Variants in ELP1 observed in about 807,000 individuals in gnomAD.
ELP1 encodes elongator complex protein 1.
Under a neutral mutation model 183.2 loss-of-function variants are expected in ELP1, and 131 were observed. The observed-to-expected ratio is 0.72, with a 90% CI of 0.62 to 0.83. The LOEUF (loss-of-function observed/expected upper bound fraction) is 0.83, where lower values mean the gene tolerates loss of function less well. ELP1 is among the 40% of genes least tolerant of loss of function. The probability of loss-of-function intolerance (pLI) is 0.00; values close to 1 mark genes in which losing one functional copy is unlikely to be tolerated. For synonymous variants in ELP1, 555 were observed against 569.0 expected (o/e 0.98, Z 0.35); for missense variants, 1,550 against 1,594.9 (o/e 0.97, Z 0.48).
intron 10 of ELP1, 30 bp downstream of exon 10, chr9:108,916,174 C>T (rs756679260): frequency 1.3e-6 from 2 of 1,525,330 alleles, no homozygotes; most frequent in African/African-American, 2.7e-5. Context: ...TTTTATGGGG[C>T]AGAAGGCTGG....
Position 108,918,861 on chromosome 9 carries a change from C to G in ELP1, c.690G>C (p.Leu230Phe). ...CTGCCACAGGCTCACTGGTTGACTG[C>G]AAAGCAAACTCTCGGTTCCACACTC... ...KVRVWNREFALQSTSEPVAGL... is the reference protein window; with the variant it reads ...KVRVWNREFAFQSTSEPVAGL... Residue 230 changes from leucine (L) to phenylalanine (F), a missense_variant, in exon 8 of 37, where the codon TTG becomes TTC. Physicochemically the swap from Leu to Phe is conservative, Grantham distance 22. Transcript: ENST00000374647. 1 of 1,614,170 alleles carries G rather than the reference C, an allele frequency of 6.2e-7. No individual in the cohort carries two copies. Among genetic ancestry groups the G allele is most frequent in the Non-Finnish European group, 8.5e-7 (1 of 1,180,024 alleles).
Position 108,900,277 on chromosome 9 carries a change from T to C in ELP1, c.2113A>G (p.Thr705Ala), listed in dbSNP as rs1342728475. The change falls in exon 19 of 37, where the codon ACA (threonine) becomes GCA (alanine). Residue 705 changes from threonine to alanine, a missense_variant. Physicochemically the swap from Thr to Ala is moderately conservative, Grantham distance 58 (BLOSUM62 0). Transcript: ENST00000374647. Reference sequence around the variant, plus strand: ...CAGCTTACCTGTAATACAAGCTTTGTGTCCTGGGGCACAACAGTGACAATC... The same window carrying C: ...CAGCTTACCTGTAATACAAGCTTTGCGTCCTGGGGCACAACAGTGACAATC... ...SRIVTVVPQD[T>A]KLVLQMPRGN... 1.2e-6 allele frequency: 2 copies of C among 1,613,870 alleles called. No individual in the cohort carries two copies. The highest frequency in any genetic ancestry group is 2.2e-5 in the East Asian group (1 of 44,894).
At chr9:108,899,450 T>G (rs1169501978) in intron 20 of ELP1, among the ~76,000 whole-genome samples, 1 of 152,204 alleles carries the variant, frequency 6.6e-6, no homozygotes. Flanking sequence ...TTCTGGGTCA[T>G]AGGCCCCGCT....
chr9:108,902,648 TAGAC>T (rs1224530964), intron 16 of ELP1, among the ~76,000 whole-genome samples, 187 bp downstream of exon 16: 3 of 152,242 alleles, frequency 2.0e-5, no homozygotes, highest in African/African-American at 7.2e-5. Context: ...TGAACCCTGA[TAGAC>T]AGATACTGAT....
chr9:108,922,330 C>T (rs1021921271), intron 6 of ELP1, among the ~76,000 whole-genome samples: 19 of 152,174 alleles, frequency 1.2e-4, no homozygotes, highest in African/African-American at 4.1e-4. Flanking sequence ...GGGGCCGCCC[C>T]GCCTACATTA....
intron 13 of ELP1, 114 bp from the exon 14 acceptor site, chr9:108,906,599 T>A: frequency 1.2e-6 from 1 of 818,164 alleles, no homozygotes; most frequent in Non-Finnish European, 2.1e-6. Context: ...CCTAATTATT[T>A]GGAGGGACAA....
intron 27 of ELP1, among the ~76,000 whole-genome samples, chr9:108,892,502 G>A (rs2131972283): frequency 6.6e-6 from 1 of 152,232 alleles, no homozygotes; most frequent in South Asian, 2.1e-4. Context: ...CTGTATCCCA[G>A]GTCCAGCACT....
chr9:108,875,926 A>C (rs1344819363), intron 35 of ELP1, among the ~76,000 whole-genome samples: 1 of 152,026 alleles, frequency 6.6e-6, no homozygotes, highest in African/African-American at 2.4e-5. Context: ...AATAGACCTT[A>C]ATGTGAATAT....
intron 1 of ELP1, among the ~76,000 whole-genome samples, chr9:108,932,910 T>C (rs956132424): frequency 6.6e-6 from 1 of 152,210 alleles, no homozygotes; most frequent in South Asian, 2.1e-4. Context: ...ACACCAAAGG[T>C]CAATCGTGGA....
At chr9:108,896,137 G>T (rs1326924545) in intron 25 of ELP1, among the ~76,000 whole-genome samples, 3 of 152,112 alleles carry the variant, frequency 2.0e-5, no homozygotes, top group African/African-American at 7.2e-5. Context: ...GGCACCTGTA[G>T]TCCCAGCTAC....
At chr9:108,886,803 A>T (rs748731476) in intron 29 of ELP1, among the ~76,000 whole-genome samples, 1 of 152,018 alleles carries the variant, frequency 6.6e-6, no homozygotes, top group Non-Finnish European at 1.5e-5. Flanking sequence ...TAAACTAATG[A>T]GCATGGCTAT....
At chr9:108,920,830 G>GTT in intron 6 of ELP1, among the ~76,000 whole-genome samples, 1 of 152,044 alleles carries the variant, frequency 6.6e-6, no homozygotes, top group Non-Finnish European at 1.5e-5. Context: ...TTACTGGATA[G>GTT]TACATTAGAT....
chr9:108,879,612 TA>T, intron 32 of ELP1, 55 bp from the exon 33 acceptor site: 1 of 1,278,194 alleles, frequency 7.8e-7, no homozygotes, highest in Non-Finnish European at 1.1e-6. Context: ...TGTGTGGGTT[TA>T]CTTTCAGGGC....
chr9:108,871,941 G>C (rs1332589539), intron 36 of ELP1, among the ~76,000 whole-genome samples: 1 of 152,148 alleles, frequency 6.6e-6, no homozygotes, highest in Admixed American at 6.5e-5. Flanking sequence ...AATAGTCCTT[G>C]CACTGGGTTC....
At chr9:108,869,246 T>G in intron 36 of ELP1, 64 bp from the exon 37 acceptor site, 1 of 1,393,916 alleles carries the variant, frequency 7.2e-7, no homozygotes, top group Admixed American at 1.7e-5. Context: ...GCTGAGGCAG[T>G]AACTCTAAAC....
chr9:108,906,487 T>C lies in ELP1; in HGVS notation c.1461-2A>G, dbSNP rs866046915. The C allele has an allele frequency of 7.4e-6, 12 of 1,611,034 alleles. No individual in the cohort carries two copies. Among genetic ancestry groups the C allele is most frequent in the Middle Eastern group, 3.3e-4 (2 of 6,078 alleles). Reference sequence around the variant, plus strand: ...TCTTCATTATTCTCAAACTGGATTCTATTGTAAATATTGAAGAATATCCAA... The same window carrying C: ...TCTTCATTATTCTCAAACTGGATTCCATTGTAAATATTGAAGAATATCCAA... On this transcript the variant is annotated splice_acceptor_variant, in intron 13 of 36. Coordinates refer to ENST00000374647, the MANE Select transcript of ELP1 (RefSeq NM_003640.5). LOFTEE classifies it high-confidence loss of function.
At chr9:108,919,128 AG>A in intron 7 of ELP1, 124 bp downstream of exon 7, 1 of 775,130 alleles carries the variant, frequency 1.3e-6, no homozygotes. Context: ...TCACATTTAA[AG>A]CAGCACATCC....
At chr9:108,893,112 G>T in intron 26 of ELP1, 29 bp from the exon 27 acceptor site, 1 of 1,493,376 alleles carries the variant, frequency 6.7e-7, no homozygotes. Flanking sequence ...CACAAAGACA[G>T]GCTTAAGACA....
At chr9:108,874,815 T>C in intron 36 of ELP1, 80 bp downstream of exon 36, 2 of 978,192 alleles carry the variant, frequency 2.0e-6, no homozygotes, top group Non-Finnish European at 3.3e-6. Flanking sequence ...TCTCTCCTTA[T>C]ACTGCTGATC....
Sources: allele counts gnomAD v4.1 joint callset (sites outside exome capture counted in the v4.1 genomes callset), GRCh38; gene constraint gnomAD v4.1.1; transcripts MANE v1.5; gene names NCBI Gene and HGNC (gene_info 2026-07-23, HGNC 2026-07-21).